NPL: variants seen among roughly 807,000 people sequenced by gnomAD.
NPL encodes the protein N-acetylneuraminate pyruvate lyase.
Under a neutral mutation model 41.1 loss-of-function variants are expected in NPL, and 32 were observed. The observed-to-expected ratio is 0.78, with a 90% confidence interval of 0.59 to 1.05. NPL has a LOEUF of 1.05. Ranked by LOEUF, NPL falls within the 50% of genes least tolerant of loss-of-function variation. The probability of loss-of-function intolerance (pLI) is 0.00; values close to 1 mark genes in which losing one functional copy is unlikely to be tolerated. For synonymous variants in NPL, 128 were observed against 134.9 expected (o/e 0.95, Z 0.35); for missense variants, 321 against 378.4 (o/e 0.85, Z 1.26).
At position 182,829,154 on chromosome 1, in the gene NPL, A is replaced by T; in HGVS notation, c.*246A>T. The stretch of plus-strand genomic sequence containing the variant: ...TTTTTGTGGAGAAATTTCTGTTTAT[A>T]TGGATGAAATGGAATCAAGAGGAAA... On this transcript the variant is annotated 3_prime_UTR_variant, in exon 13 of 13. Coordinates refer to ENST00000367553, the MANE Select transcript of NPL (RefSeq NM_030769.3). 1 of 1,350,314 alleles carries T rather than the reference A, an allele frequency of 7.4e-7. No homozygotes were observed. The highest frequency in any genetic ancestry group is 3.4e-5 in the Admixed American group (1 of 29,328). 83.6% of individuals were successfully genotyped at this position (1,350,314 alleles called of 1,614,324 possible).
intron 4 of NPL, 120 bp from the exon 5 acceptor site, chr1:182,806,023 CAT>C: frequency 2.7e-6 from 3 of 1,118,160 alleles, no homozygotes; most frequent in Non-Finnish European, 4.0e-6. Context: ...AAAATGGAAA[CAT>C]GGCATTTTCC....
chr1:182,808,282 A>G (rs769201874), intron 5 of NPL, among the ~76,000 whole-genome samples: 2 of 152,240 alleles, frequency 1.3e-5, no homozygotes, highest in African/African-American at 2.4e-5. Flanking sequence ...TGCTATGTTC[A>G]TTATAACGTT....
rs1667702624 is a variant in NPL at position 182,829,004 on chromosome 1, C to T, written c.*96C>T. ...GGAATTTTAGATGAACTTGAATAAA[C>T]TCTCCTAGCAAATGAAATCTCACAA... On this transcript the variant is annotated 3_prime_UTR_variant, in exon 13 of 13. Coordinates refer to ENST00000367553, the MANE Select transcript of NPL (RefSeq NM_030769.3). 6.3e-7 allele frequency: 1 copy of T among 1,592,062 alleles called. No individual in the cohort carries two copies. Among genetic ancestry groups the T allele is most frequent in the East Asian group, 2.2e-5 (1 of 44,686 alleles).
At chr1:182,802,344 A>G (rs1235746529) in intron 3 of NPL, among the ~76,000 whole-genome samples, 2 of 152,212 alleles carry the variant, frequency 1.3e-5, no homozygotes, top group Non-Finnish European at 2.9e-5. Flanking sequence ...TTGCCTGTGC[A>G]TTCTTTGCAT....
rs562899636 is a variant in NPL at position 182,799,857 on chromosome 1, A to G, written c.69-3841A>G. ...AAATATAAAAATGACTACAGCAAGC[A>G]TGGAATTTGGTTCTGGGTCACTCTC... On this transcript the variant is annotated intron_variant, in intron 3 of 12. Coordinates refer to ENST00000367553, the MANE Select transcript of NPL (RefSeq NM_030769.3). Among the ~76,000 whole-genome samples, 4 of 152,254 alleles carry G rather than the reference A, an allele frequency of 2.6e-5. No homozygotes were observed. In the East Asian group the frequency reaches 7.7e-4, roughly 29 times the overall value.
chr1:182,795,966 G>C (rs746466291), intron 3 of NPL: 1 of 152,018 alleles, frequency 6.6e-6, no homozygotes, highest in Non-Finnish European at 1.5e-5. Context: ...AGGGACCCAC[G>C]GACAATGTCA....
rs749358378 is a variant in NPL at position 182,806,147 on chromosome 1, A to C, written c.145A>C (p.Asn49His). Residue 49 changes from asparagine (N) to histidine (H), a missense_variant and splice_region_variant, in exon 5 of 13, where the codon AAT becomes CAT. By Grantham distance (68) the Asn-to-His change is moderately conservative (BLOSUM62 1). Transcript: ENST00000367553. ...TGACTTACTCTTTGTTTGAACAGTG[A>C]ATGGCACAACAGGAGAAGGCCTGTC... ...KEQGVKNIFV[N>H]GTTGEGLSLS... The C allele has an allele frequency of 6.2e-7, 1 of 1,614,188 alleles. No homozygotes were observed. Among genetic ancestry groups the C allele is most frequent in the Non-Finnish European group, 8.5e-7 (1 of 1,180,038 alleles).
At chr1:182,814,180 A>C (rs1667260221) in intron 6 of NPL, among the ~76,000 whole-genome samples, 1 of 152,210 alleles carries the variant, frequency 6.6e-6, no homozygotes, top group South Asian at 2.1e-4. Flanking sequence ...CTCTAGTTGG[A>C]GGACAGTCAC....
chr1:182,800,491 G>A (rs1048639692), intron 3 of NPL, among the ~76,000 whole-genome samples: 11 of 142,438 alleles, frequency 7.7e-5, no homozygotes, highest in East Asian at 2.0e-4. Context: ...AATTATTTTC[G>A]CCCTAACCCT....
intron 8 of NPL, among the ~76,000 whole-genome samples, chr1:182,818,114 C>T (rs1667386742): frequency 6.6e-6 from 1 of 152,176 alleles, no homozygotes; most frequent in African/African-American, 2.4e-5. Flanking sequence ...ATATACATAT[C>T]ACTTTGAAGA....
intron 5 of NPL, among the ~76,000 whole-genome samples, chr1:182,808,815 C>T (rs897285011): frequency 2.6e-5 from 4 of 151,840 alleles, no homozygotes; most frequent in Non-Finnish European, 4.4e-5. Flanking sequence ...AATAATTAGC[C>T]GGGCATAGTG....
intron 8 of NPL, among the ~76,000 whole-genome samples, chr1:182,817,412 C>T (rs185851659): frequency 2.0e-4 from 30 of 152,300 alleles, no homozygotes; most frequent in Admixed American, 8.5e-4. Flanking sequence ...GCAAACTCAA[C>T]GCAAAACATT....
chr1:182,829,128 T>A lies in NPL; in HGVS notation c.*220T>A. ...ACTCTCAGTCATTCATTTCACAGAT[T>A]TTTTTGTGGAGAAATTTCTGTTTAT... is the stretch of plus-strand genomic sequence containing the variant. On this transcript the variant is annotated 3_prime_UTR_variant, in exon 13 of 13. Coordinates refer to ENST00000367553, the MANE Select transcript of NPL (RefSeq NM_030769.3). 2 of 1,378,444 alleles carry A rather than the reference T, an allele frequency of 1.5e-6. No individual in the cohort carries two copies. The highest frequency in any genetic ancestry group is 3.4e-5 in the South Asian group (2 of 58,938). 85.4% of individuals were successfully genotyped at this position (1,378,444 alleles called of 1,614,324 possible).
Position 182,818,701 on chromosome 1 carries a change from C to A in NPL, c.606+12C>A, listed in dbSNP as rs978610933. ...TTGGGGTGGATGAGGTAAGTCACCC[C>A]CTAGCATGTTGCAGCAGGTCAGTTC... is the stretch of plus-strand genomic sequence containing the variant. On this transcript the variant is annotated intron_variant, in intron 9 of 12. Coordinates refer to ENST00000367553, the MANE Select transcript of NPL (RefSeq NM_030769.3). The A allele has an allele frequency of 9.9e-6, 16 of 1,613,950 alleles. No homozygotes were observed. Among genetic ancestry groups the A allele is most frequent in the Non-Finnish European group, 1.3e-5 (15 of 1,180,018 alleles).
intron 10 of NPL, among the ~76,000 whole-genome samples, chr1:182,820,637 G>A (rs561746167): frequency 9.0e-4 from 137 of 152,300 alleles, no homozygotes; most frequent in South Asian, 5.6e-3. Context: ...CAATCATGGC[G>A]GAAGGCTAAG....
In NPL at chr1:182,829,864, C is replaced by G. The variant is rs1206456481; in HGVS notation, c.*956C>G. On this transcript the variant is annotated 3_prime_UTR_variant, in exon 13 of 13. Coordinates refer to ENST00000367553, the MANE Select transcript of NPL (RefSeq NM_030769.3). ...CTTTCTCTCCATACCTCCTTTTACT[C>G]TTTTCTTTCTGTGTAATGTATCAAC... The G allele has an allele frequency of 3.7e-6, 2 of 533,886 alleles. No individual in the cohort carries two copies. The highest frequency in any genetic ancestry group is 6.8e-6 in the Non-Finnish European group (2 of 294,962). The allele number at this position is 533,886 out of a possible 1,614,324, so 33.1% of individuals were successfully genotyped here.
At chr1:182,806,680 C>A in intron 5 of NPL, 1 of 910,976 alleles carries the variant, frequency 1.1e-6, no homozygotes, top group Non-Finnish European at 1.6e-6. Flanking sequence ...TCAATGTGCT[C>A]TTTTATGGTG....
intron 4 of NPL, 118 bp downstream of exon 4, chr1:182,803,889 C>A: frequency 1.3e-6 from 1 of 795,912 alleles, no homozygotes; most frequent in Non-Finnish European, 2.2e-6. Context: ...ATGATGGAGC[C>A]TGGCTAAGCT....
intron 3 of NPL, among the ~76,000 whole-genome samples, chr1:182,800,528 G>A (rs574852738): frequency 6.7e-6 from 1 of 149,708 alleles, no homozygotes; most frequent in African/African-American, 2.4e-5. Flanking sequence ...TGTAACAAAT[G>A]TGGTAGCAGC....
Sources: allele counts gnomAD v4.1 joint callset (sites outside exome capture counted in the v4.1 genomes callset), GRCh38; gene constraint gnomAD v4.1.1; transcripts MANE v1.5; gene names NCBI Gene and HGNC (gene_info 2026-07-23, HGNC 2026-07-21).